LINGO2: variants seen among roughly 807,000 people sequenced by gnomAD.
The protein encoded by LINGO2 is leucine rich repeat and Ig domain containing 2.
A neutral mutation model predicts 30.6 loss-of-function variants in LINGO2; 14 were observed. The ratio of observed to expected loss-of-function variants is 0.46; its 90% CI spans 0.30 to 0.72. The LOEUF (loss-of-function observed/expected upper bound fraction) is 0.72. LINGO2 is among the 30% of genes least tolerant of loss of function. The probability of loss-of-function intolerance (pLI) is 0.07; values close to 1 mark genes in which losing one functional copy is unlikely to be tolerated. For missense variants in LINGO2, 729 were observed against 751.7 expected (o/e 0.97, Z 0.35); for synonymous variants, 317 against 288.5 (o/e 1.10, Z -1.00).
chr9:28,223,608 T>A (rs949562278), intron 4 of LINGO2, among the ~76,000 whole-genome samples: 1 of 152,010 alleles, frequency 6.6e-6, no homozygotes, highest in Non-Finnish European at 1.5e-5. Context: ...GAAAAGAAGA[T>A]GGAAACAAAA....
At chr9:27,946,602 T>C (rs1474197342), downstream of LINGO2, among the ~76,000 whole-genome samples, 1 of 152,028 alleles carries the variant, frequency 6.6e-6, no homozygotes. Flanking sequence ...AAATAGTTTC[T>C]ATTAACTTTT....
the LINGO2 span, among the ~76,000 whole-genome samples, chr9:28,896,048 G>C: frequency 1.3e-5 from 2 of 152,122 alleles, no homozygotes; most frequent in Admixed American, 6.5e-5. Context: ...TGACAGTCCA[G>C]TAACGAATTT....
chr9:28,762,674 C>T, the LINGO2 span, among the ~76,000 whole-genome samples: 1 of 152,084 alleles, frequency 6.6e-6, no homozygotes, highest in Non-Finnish European at 1.5e-5. Flanking sequence ...CTCAACCCCT[C>T]TCTTGTCCCC....
chr9:28,708,761 T>TTATCTATCTATCTATCTATCTATCTATC, the LINGO2 span, among the ~76,000 whole-genome samples: 3,468 of 147,818 alleles, frequency 0.023, 64 homozygotes, highest in East Asian at 0.044. Context: ...TTTAAACTAA[T>TTATCTATCTATCTATCTATCTATCTATC]TATCTATCTA....
At chr9:28,484,633 A>G (rs1826099867) in intron 1 of LINGO2, among the ~76,000 whole-genome samples, 1 of 152,054 alleles carries the variant, frequency 6.6e-6, no homozygotes, top group South Asian at 2.1e-4. Context: ...AAATACATTG[A>G]ACACTGTATG....
intron 4 of LINGO2, among the ~76,000 whole-genome samples, chr9:28,110,512 T>C (rs530646158): frequency 6.6e-6 from 1 of 152,204 alleles, no homozygotes; most frequent in Non-Finnish European, 1.5e-5. Context: ...AAAGGTCTAA[T>C]ATCCAGAATC....
intron 1 of LINGO2, among the ~76,000 whole-genome samples, chr9:28,571,201 G>A (rs550870759): frequency 1.3e-5 from 2 of 152,018 alleles, no homozygotes; most frequent in African/African-American, 4.8e-5. Flanking sequence ...TTTCTTCTTG[G>A]CTGGGGGAAA....
At chr9:28,024,170 A>G (rs547711324) in intron 4 of LINGO2, among the ~76,000 whole-genome samples, 1 of 152,314 alleles carries the variant, frequency 6.6e-6, no homozygotes, top group Non-Finnish European at 1.5e-5. Context: ...CTGAGAAATA[A>G]CCATGCATTT....
chr9:28,194,681 T>A (rs76980932), intron 4 of LINGO2, among the ~76,000 whole-genome samples: 2 of 149,078 alleles, frequency 1.3e-5, no homozygotes, highest in South Asian at 4.2e-4. Context: ...CAATGTGACA[T>A]AGAAATCAGG....
intron 3 of LINGO2, among the ~76,000 whole-genome samples, chr9:28,340,315 C>G (rs1417149691): frequency 6.6e-6 from 1 of 152,026 alleles, no homozygotes; most frequent in African/African-American, 2.4e-5. Flanking sequence ...ATAATAAGCC[C>G]TCAATACTGC....
At chr9:28,832,320 C>T in the LINGO2 span, among the ~76,000 whole-genome samples, 93 of 152,234 alleles carry the variant, frequency 6.1e-4, no homozygotes, top group African/African-American at 2.1e-3. Context: ...GTTTTATTTT[C>T]CTAAACATGC....
chr9:28,657,887 T>C (rs1394844525), intron 1 of LINGO2, among the ~76,000 whole-genome samples: 2 of 152,012 alleles, frequency 1.3e-5, no homozygotes, highest in Non-Finnish European at 2.9e-5. Flanking sequence ...TATTTATAGC[T>C]ACAAACTTCC....
intron 4 of LINGO2, among the ~76,000 whole-genome samples, chr9:28,028,943 G>T (rs1823526253): frequency 6.6e-6 from 1 of 152,052 alleles, no homozygotes; most frequent in Non-Finnish European, 1.5e-5. Context: ...TGGTACAGCA[G>T]GCCCCAAGGC....
chr9:28,812,535 C>T, the LINGO2 span, among the ~76,000 whole-genome samples: 4 of 151,962 alleles, frequency 2.6e-5, no homozygotes, highest in African/African-American at 9.7e-5. Flanking sequence ...AGTTGTATAC[C>T]CAATAGCAAG....
chr9:29,048,776 A>T, the LINGO2 span, among the ~76,000 whole-genome samples: 1 of 152,200 alleles, frequency 6.6e-6, no homozygotes, highest in Non-Finnish European at 1.5e-5. Flanking sequence ...AGAAAAATAA[A>T]ACTAGACCCC....
the LINGO2 span, among the ~76,000 whole-genome samples, chr9:29,007,944 T>C: frequency 2.0e-5 from 3 of 152,160 alleles, no homozygotes; most frequent in Admixed American, 6.6e-5. Flanking sequence ...TTTTAAATTA[T>C]ACTTTAAGTT....
At chr9:28,062,461 C>G (rs1446960342) in intron 4 of LINGO2, among the ~76,000 whole-genome samples, 1 of 145,316 alleles carries the variant, frequency 6.9e-6, no homozygotes, top group Non-Finnish European at 1.5e-5. Flanking sequence ...TACATATATA[C>G]TACATATTGT....
intron 4 of LINGO2, among the ~76,000 whole-genome samples, chr9:28,252,379 C>T (rs963063778): frequency 1.3e-5 from 2 of 150,288 alleles, no homozygotes; most frequent in African/African-American, 5.0e-5. Flanking sequence ...GCACGCATCA[C>T]TATGCCTAGC....
chr9:29,197,036 T>G, the LINGO2 span, among the ~76,000 whole-genome samples: 1 of 152,064 alleles, frequency 6.6e-6, no homozygotes, highest in Admixed American at 6.6e-5. Flanking sequence ...TAAGTTCACT[T>G]AAGCTGTTTT....
Sources: allele counts gnomAD v4.1 joint callset (sites outside exome capture counted in the v4.1 genomes callset), GRCh38; gene constraint gnomAD v4.1.1; transcripts MANE v1.5; gene names NCBI Gene and HGNC (gene_info 2026-07-23, HGNC 2026-07-21).